Variants in GRB10 observed in about 807,000 individuals in gnomAD.
GRB10 encodes growth factor receptor bound protein 10.
GRB10 carries 20 observed loss-of-function variants against 80.9 expected under a neutral mutation model. The ratio of observed to expected loss-of-function variants is 0.25; its 90% CI spans 0.17 to 0.36. The LOEUF (loss-of-function observed/expected upper bound fraction) is 0.36, where lower values mean the gene tolerates loss of function less well. GRB10 is among the 10% of genes least tolerant of loss of function. GRB10 has a pLI of 1.00. For synonymous variants in GRB10, 291 were observed against 291.5 expected (o/e 1.00, Z 0.02); for missense variants, 548 against 747.7 (o/e 0.73, Z 3.12).
chr7:50,771,808 G>A (rs915090983), intron 2 of GRB10, among the ~76,000 whole-genome samples: 1 of 152,204 alleles, frequency 6.6e-6, no homozygotes, highest in African/African-American at 2.4e-5. Context: ...TCAGGATTCA[G>A]CACAATGCTT....
At chr7:50,707,767 G>A (rs1316303195) in intron 4 of GRB10, among the ~76,000 whole-genome samples, 1 of 152,170 alleles carries the variant, frequency 6.6e-6, no homozygotes, top group Non-Finnish European at 1.5e-5. Context: ...GGCCTGCACA[G>A]CCCTGCTCCA....
rs745748208 is a variant in GRB10 at position 50,606,318 on chromosome 7, A to G, written c.1272+19T>C. On this transcript the variant is annotated intron_variant, in intron 14 of 18. Transcript: ENST00000401949. ...AGCTGAAAAGGCACTAGACTTCTGA[A>G]GCTCCTGGCTTTACTTACCACTGGC... The G allele has an allele frequency of 8.7e-6, 14 of 1,602,626 alleles. No homozygotes were observed. In the South Asian group the frequency reaches 8.8e-5, roughly 10 times the overall value.
rs537663307 is a variant in GRB10, at chr7:50,765,016, T to G, written c.-216-8960A>C. Reference sequence around the variant, plus strand: ...TCAATTTAAAAATGGGCAAAACATGTGAACAGACATCTCTAAAAGAAGACA... The same window carrying G: ...TCAATTTAAAAATGGGCAAAACATGGGAACAGACATCTCTAAAAGAAGACA... On this transcript the variant is annotated intron_variant, in intron 2 of 18. Coordinates refer to ENST00000401949, the MANE Select transcript of GRB10 (RefSeq NM_001350814.2). 7.2e-5 allele frequency among the ~76,000 whole-genome samples: 11 copies of G among 152,268 alleles called. No homozygotes were observed. In the South Asian group the frequency reaches 2.3e-3, roughly 32 times the overall value.
intron 17 of GRB10, among the ~76,000 whole-genome samples, chr7:50,596,214 C>T (rs2046616652): frequency 6.6e-6 from 1 of 152,204 alleles, no homozygotes; most frequent in Non-Finnish European, 1.5e-5. Context: ...ACTGTTAATA[C>T]TTATTTACTA....
chr7:50,623,552 G>A (rs940545755), intron 8 of GRB10, among the ~76,000 whole-genome samples: 5 of 152,208 alleles, frequency 3.3e-5, no homozygotes, highest in African/African-American at 1.2e-4. Context: ...GGATGCCACT[G>A]TTGCTGCCAA....
chr7:50,735,334 G>A (rs1192222112), intron 3 of GRB10, among the ~76,000 whole-genome samples: 1 of 152,206 alleles, frequency 6.6e-6, no homozygotes, highest in Admixed American at 6.5e-5. Context: ...TGCTGTGTTG[G>A]AGGAACTAAT....
intron 4 of GRB10, among the ~76,000 whole-genome samples, chr7:50,721,058 C>T (rs1230308400): frequency 2.0e-5 from 3 of 152,192 alleles, no homozygotes; most frequent in Non-Finnish European, 2.9e-5. Flanking sequence ...ACATGAACAC[C>T]ACATACAGTA....
chr7:50,727,767 CA>C (rs1341481756), intron 4 of GRB10: 5 of 151,892 alleles, frequency 3.3e-5, no homozygotes. Flanking sequence ...AATAATTCTA[CA>C]CTCTAAAACA....
chr7:50,648,145 G>A (rs550973405), intron 7 of GRB10, among the ~76,000 whole-genome samples: 6 of 152,254 alleles, frequency 3.9e-5, no homozygotes, highest in Admixed American at 1.3e-4. Flanking sequence ...AGGGAGCGCA[G>A]AGAGGGGAGA....
chr7:50,614,919 C>T lies in GRB10; in HGVS notation c.985-39G>A, dbSNP rs571972577. 3 of 1,332,220 alleles carry T rather than the reference C, an allele frequency of 2.3e-6. No homozygotes were observed. In the South Asian group the frequency reaches 3.5e-5, roughly 16 times the overall value. 82.5% of individuals were successfully genotyped at this position (1,332,220 alleles called of 1,614,324 possible). On this transcript the variant is annotated intron_variant, in intron 11 of 18. Coordinates refer to ENST00000401949, the MANE Select transcript of GRB10 (RefSeq NM_001350814.2). ...GGCCAGGTTAAAGTCTCAAGCACAG[C>T]AAAGAGCAAATGTGTTCACCTCTGG...
chr7:50,717,145 T>G (rs1221018823), intron 4 of GRB10, among the ~76,000 whole-genome samples: 1 of 152,218 alleles, frequency 6.6e-6, no homozygotes, highest in Non-Finnish European at 1.5e-5. Context: ...ACAAAACACA[T>G]GCTAGCTCCC....
At chr7:50,622,617 A>G (rs976294213) in intron 8 of GRB10, among the ~76,000 whole-genome samples, 23 of 152,212 alleles carry the variant, frequency 1.5e-4, no homozygotes, top group African/African-American at 5.5e-4. Flanking sequence ...ATCTGACCTT[A>G]GTATGCCTGA....
intron 2 of GRB10, among the ~76,000 whole-genome samples, chr7:50,760,318 G>T (rs970658353): frequency 2.0e-5 from 3 of 152,162 alleles, no homozygotes; most frequent in Admixed American, 2.0e-4. Flanking sequence ...TTAGCCCTAA[G>T]AATAATCCTA....
chr7:50,789,492 T>G (rs1339409710), intron 1 of GRB10, among the ~76,000 whole-genome samples: 1 of 152,136 alleles, frequency 6.6e-6, no homozygotes, highest in African/African-American at 2.4e-5. Flanking sequence ...AACTAGTAAG[T>G]AGTACAACCA....
chr7:50,617,986 G>C (rs1195601484), intron 10 of GRB10, 85 bp downstream of exon 10: 1 of 1,135,912 alleles, frequency 8.8e-7, no homozygotes, highest in Non-Finnish European at 1.3e-6. Flanking sequence ...GATCTCTTTA[G>C]GTTTTTTACA....
intron 5 of GRB10, among the ~76,000 whole-genome samples, chr7:50,690,719 C>T (rs533693486): frequency 1.6e-4 from 25 of 152,274 alleles, no homozygotes; most frequent in African/African-American, 5.8e-4. Context: ...TGCGGAGCAA[C>T]GGGATGAAAA....
At chr7:50,716,648 C>A (rs2066914928) in intron 4 of GRB10, among the ~76,000 whole-genome samples, 1 of 152,126 alleles carries the variant, frequency 6.6e-6, no homozygotes, top group African/African-American at 2.4e-5. Flanking sequence ...CCAAATCCAA[C>A]CCTACAGATG....
intron 4 of GRB10, among the ~76,000 whole-genome samples, chr7:50,706,434 G>A (rs549463993): frequency 6.6e-6 from 1 of 152,296 alleles, no homozygotes; most frequent in East Asian, 1.9e-4. Context: ...CTAGGCCAGA[G>A]GCCACGTGCA....
In GRB10 at chr7:50,742,271, GCACACACACACACACACACACACA is replaced by G. The variant is rs55813195; in HGVS notation, c.-46-9927_-46-9904del. On this transcript the variant is annotated intron_variant, in intron 3 of 18. Coordinates refer to ENST00000401949, the MANE Select transcript of GRB10 (RefSeq NM_001350814.2). Reference sequence around the variant, plus strand: ...TGTAAACACACGCGCACGCGCGCGCGCACACACACACACACACACACACACACACACACACACACACACATACAC... The same window carrying G: ...TGTAAACACACGCGCACGCGCGCGCGCACACACACACACACACACATACAC... 7.1e-3 allele frequency among the ~76,000 whole-genome samples: 333 copies of G among 46,910 alleles called. 3 individuals carry two copies. Among genetic ancestry groups the G allele is most frequent in the African/African-American group, 0.019 (320 of 16,544 alleles). The allele number at this position is 46,910 out of a possible 152,430, so 30.8% of individuals were successfully genotyped here.
Sources: gnomAD v4.1 joint callset for allele counts (sites outside exome capture counted in the v4.1 genomes callset) on GRCh38, gnomAD v4.1.1 for gene constraint, MANE v1.5 for transcripts, NCBI Gene and HGNC (gene_info 2026-07-23, HGNC 2026-07-21) for gene names.